TIMP2: variants seen among roughly 807,000 people sequenced by gnomAD.
TIMP2 encodes the protein metalloproteinase inhibitor 2.
A neutral mutation model predicts 24.3 loss-of-function variants in TIMP2; 5 were observed. The observed-to-expected ratio is 0.21, with a 90% CI of 0.11 to 0.43. The LOEUF is 0.43. Among genes scored for constraint, TIMP2 ranks in the 20% least tolerant of loss-of-function variants. TIMP2 has a pLI of 1.00. For missense variants in TIMP2, 221 were observed against 297.5 expected (o/e 0.74, Z 1.89); for synonymous variants, 130 against 123.2 (o/e 1.06, Z -0.37).
chr17:78,921,444 C>A (rs1448762226), intron 1 of TIMP2, among the ~76,000 whole-genome samples: 2 of 152,222 alleles, frequency 1.3e-5, no homozygotes, highest in African/African-American at 4.8e-5. Context: ...TTATTCTCTG[C>A]ATCCAGAGAG....
In TIMP2 at chr17:78,896,139, C is replaced by A. The variant is rs1025103209; in HGVS notation, c.131-22220G>T. On this transcript the variant is annotated intron_variant, in intron 1 of 4. Coordinates refer to ENST00000262768, the MANE Select transcript of TIMP2 (RefSeq NM_003255.5). This position sits in a 1 kb window ranked among gnomAD's most constrained non-coding sequence, Gnocchi z 4.4. ...ATCCCCGCTCTGACACCATCAGATGCAACCTCGTCCCCGCTACCCCAGCTC... is the reference window on the plus strand; with the variant it reads ...ATCCCCGCTCTGACACCATCAGATGAAACCTCGTCCCCGCTACCCCAGCTC... 6.6e-6 allele frequency among the ~76,000 whole-genome samples: 1 copy of A among 152,244 alleles called. No individual in the cohort carries two copies. Among genetic ancestry groups the A allele is most frequent in the Non-Finnish European group, 1.5e-5 (1 of 68,046 alleles).
intron 3 of TIMP2, among the ~76,000 whole-genome samples, chr17:78,862,936 C>T (rs1053057525): frequency 6.6e-6 from 1 of 152,240 alleles, no homozygotes; most frequent in Non-Finnish European, 1.5e-5. Flanking sequence ...TATATATACA[C>T]CACATTTCTT....
intron 1 of TIMP2, among the ~76,000 whole-genome samples, chr17:78,919,703 C>T (rs1033789089): frequency 2.0e-5 from 3 of 152,082 alleles, no homozygotes; most frequent in South Asian, 4.1e-4. Context: ...GGCATGGTGG[C>T]GGGCACCTGT....
At chr17:78,919,973 C>G (rs2070296999) in intron 1 of TIMP2, among the ~76,000 whole-genome samples, 1 of 152,216 alleles carries the variant, frequency 6.6e-6, no homozygotes, top group Non-Finnish European at 1.5e-5. Flanking sequence ...GCCACTGCCA[C>G]GTCTGCCTGT....
rs2069998415 is a variant in TIMP2, at chr17:78,896,285, G to A, written c.131-22366C>T. Among the ~76,000 whole-genome samples the A allele has an allele frequency of 6.6e-6, 1 of 152,208 alleles. No individual in the cohort carries two copies. ...ACAGAGCCTTAGCTGAGCCCAAGAT[G>A]ACCAAGGAGAAACAGCCGTTCACCT... On this transcript the variant is annotated intron_variant, in intron 1 of 4. Transcript: ENST00000262768. The surrounding 1 kb of genome is among the most constrained non-coding windows in gnomAD (Gnocchi z 4.4).
rs1047294147 is a variant in TIMP2, at chr17:78,853,462, C to T, written c.*2205G>A. 6.6e-6 allele frequency: 1 copy of T among 152,224 alleles called. No homozygotes were observed. The highest frequency in any genetic ancestry group is 2.4e-5 in the African/African-American group (1 of 41,426). 9.4% of individuals were successfully genotyped at this position (152,224 alleles called of 1,614,324 possible). On this transcript the variant is annotated 3_prime_UTR_variant, in exon 5 of 5. Transcript: ENST00000262768. ...TTCTTAACCTGTTTTGTTTTCTGCTCAGCACGGTTAAAAGACCAACGTGTG... is the reference window on the plus strand; with the variant it reads ...TTCTTAACCTGTTTTGTTTTCTGCTTAGCACGGTTAAAAGACCAACGTGTG...
At chr17:78,900,787 C>T (rs1271023288) in intron 1 of TIMP2, among the ~76,000 whole-genome samples, 1 of 152,200 alleles carries the variant, frequency 6.6e-6, no homozygotes, top group Non-Finnish European at 1.5e-5. Flanking sequence ...AATGGGAACA[C>T]ATCTAAAACT....
At chr17:78,879,820 G>A (rs927627688) in intron 1 of TIMP2, among the ~76,000 whole-genome samples, 6 of 152,154 alleles carry the variant, frequency 3.9e-5, no homozygotes, top group African/African-American at 9.6e-5. Context: ...ACACGCAACT[G>A]CAGGGTCCCC....
At chr17:78,921,408 C>T (rs1165946955) in intron 1 of TIMP2, among the ~76,000 whole-genome samples, 1 of 152,234 alleles carries the variant, frequency 6.6e-6, no homozygotes, top group Non-Finnish European at 1.5e-5. Context: ...GCCTTAGGTA[C>T]TGCCACCCAA....
chr17:78,871,098 CTG>C, intron 2 of TIMP2, 92 bp from the exon 3 acceptor site: 1 of 1,054,772 alleles, frequency 9.5e-7, no homozygotes, highest in Non-Finnish European at 1.4e-6. Context: ...GCGGCACAAC[CTG>C]TAGCTGGGGT....
intron 3 of TIMP2, among the ~76,000 whole-genome samples, chr17:78,866,002 T>C (rs1008599953): frequency 2.1e-5 from 3 of 145,270 alleles, no homozygotes; most frequent in East Asian, 2.0e-4. Flanking sequence ...TCCCTGTGGA[T>C]AGGAACAAAC....
At chr17:78,900,544 C>CA (rs35575848) in intron 1 of TIMP2, among the ~76,000 whole-genome samples, 57,485 of 144,820 alleles carry the variant, frequency 0.4, 11,532 homozygotes, top group African/African-American at 0.5. Flanking sequence ...GACTCCATTT[C>CA]AAAAAAAAAA....
At position 78,891,894 on chromosome 17, in the gene TIMP2, G is replaced by C. The variant is rs1198919270; in HGVS notation, c.131-17975C>G. 6.4e-7 allele frequency: 1 copy of C among 1,550,502 alleles called. No homozygotes were observed. The highest frequency in any genetic ancestry group is 8.7e-7 in the Non-Finnish European group (1 of 1,147,012). Reference sequence around the variant, plus strand: ...CGACCCGTGGCTTTTGTAGTCTGTGGTTTCTCTGGACTCGCTGCTGTCTTC... The same window carrying C: ...CGACCCGTGGCTTTTGTAGTCTGTGCTTTCTCTGGACTCGCTGCTGTCTTC... On this transcript the variant is annotated intron_variant, in intron 1 of 4. Transcript: ENST00000262768. This position sits in a 1 kb window ranked among gnomAD's most constrained non-coding sequence, Gnocchi z 4.5.
intron 4 of TIMP2, chr17:78,857,150 G>A (rs566079412): frequency 9.7e-5 from 22 of 226,024 alleles, no homozygotes; most frequent in African/African-American, 3.9e-4. Context: ...CACCTCACCT[G>A]GCTAATTTTT....
At chr17:78,883,880 C>T (rs556943233) in intron 1 of TIMP2, among the ~76,000 whole-genome samples, 4 of 152,332 alleles carry the variant, frequency 2.6e-5, no homozygotes, top group African/African-American at 4.8e-5. Context: ...GCCCACGTCC[C>T]GCTGCCCTCC....
At chr17:78,862,973 T>G (rs1478095607) in intron 3 of TIMP2, among the ~76,000 whole-genome samples, 1 of 152,206 alleles carries the variant, frequency 6.6e-6, no homozygotes, top group African/African-American at 2.4e-5. Context: ...GATGAGCACT[T>G]GGGTTGATTC....
chr17:78,922,853 G>A (rs1415320150), intron 1 of TIMP2, among the ~76,000 whole-genome samples: 1 of 152,190 alleles, frequency 6.6e-6, no homozygotes, highest in East Asian at 1.9e-4. Context: ...AGAAGGCCAT[G>A]TGAAGACAGG....
At chr17:78,888,423 G>C (rs1403346924) in intron 1 of TIMP2, among the ~76,000 whole-genome samples, 8 of 151,804 alleles carry the variant, frequency 5.3e-5, no homozygotes, top group Non-Finnish European at 1.2e-4. Context: ...GCCTCCCAAC[G>C]TGCTGGGATT....
intron 1 of TIMP2, among the ~76,000 whole-genome samples, chr17:78,895,627 C>T (rs1023403313): frequency 2.0e-5 from 3 of 152,196 alleles, no homozygotes; most frequent in African/African-American, 7.2e-5. Flanking sequence ...GATTCCACTC[C>T]TAGGTCTATA....
Sources: gnomAD v4.1 joint callset for allele counts (sites outside exome capture counted in the v4.1 genomes callset) on GRCh38, gnomAD v4.1.1 for gene constraint, Gnocchi (gnomAD v3.1) non-coding constraint, MANE v1.5 for transcripts, NCBI Gene and HGNC (gene_info 2026-07-23, HGNC 2026-07-21) for gene names.